The following KLF15 variants were observed in gnomAD, a reference collection of about 807,000 sequenced individuals.
KLF15 encodes the protein KLF transcription factor 15.
KLF15 carries 4 observed loss-of-function variants against 24.6 expected under a neutral mutation model. The observed-to-expected ratio is 0.16, with a 90% CI of 0.08 to 0.37. The LOEUF is 0.37. KLF15 is among the 10% of genes least tolerant of loss of function. The probability of loss-of-function intolerance (pLI) is 1.00; values close to 1 mark genes in which losing one functional copy is unlikely to be tolerated. For synonymous variants in KLF15, 246 were observed against 236.3 expected (o/e 1.04, Z -0.37); for missense variants, 496 against 560.6 (o/e 0.88, Z 1.16).
the KLF15 span, among the ~76,000 whole-genome samples, chr3:126,322,990 A>T: frequency 2.0e-5 from 3 of 151,086 alleles, no homozygotes; most frequent in South Asian, 2.1e-4. Flanking sequence ...TTAAAAATTC[A>T]TATATAATGA....
chr3:126,309,763 G>T, the KLF15 span, among the ~76,000 whole-genome samples: 1 of 152,162 alleles, frequency 6.6e-6, no homozygotes, highest in South Asian at 2.1e-4. Flanking sequence ...TGTAGCACCA[G>T]GCAGAGAATG....
the KLF15 span, among the ~76,000 whole-genome samples, chr3:126,312,630 T>C: frequency 2.6e-5 from 4 of 152,240 alleles, no homozygotes; most frequent in African/African-American, 7.2e-5. Flanking sequence ...GCTTCATCCA[T>C]GCAGGGCACC....
the KLF15 span, among the ~76,000 whole-genome samples, chr3:126,334,071 C>T: frequency 6.6e-6 from 1 of 152,020 alleles, no homozygotes; most frequent in African/African-American, 2.4e-5. Flanking sequence ...ACCAAGTGGA[C>T]CTAATAGACA....
chr3:126,290,025 G>A, the KLF15 span, among the ~76,000 whole-genome samples: 39 of 152,248 alleles, frequency 2.6e-4, no homozygotes, highest in African/African-American at 9.1e-4. Flanking sequence ...TCAGTAACTC[G>A]ACTCTTCACA....
At chr3:126,338,055 G>A (rs913065619), downstream of KLF15, among the ~76,000 whole-genome samples, 1 of 152,208 alleles carries the variant, frequency 6.6e-6, no homozygotes, top group Non-Finnish European at 1.5e-5. Flanking sequence ...TGAGAGATTG[G>A]CAAAGAGACT....
chr3:126,322,674 AG>A, the KLF15 span, among the ~76,000 whole-genome samples: 13 of 152,230 alleles, frequency 8.5e-5, no homozygotes, highest in African/African-American at 3.1e-4. Flanking sequence ...GGTCCACCAT[AG>A]TACCTTCATA....
intron 2 of KLF15, among the ~76,000 whole-genome samples, chr3:126,350,724 C>G (rs922372447): frequency 6.6e-6 from 1 of 152,264 alleles, no homozygotes; most frequent in African/African-American, 2.4e-5. Context: ...TGTGCAAACA[C>G]ATATGGTCAC....
rs762515913 is a variant in KLF15 at position 126,352,121 on chromosome 3, G to C, written c.802C>G (p.Pro268Ala). The C allele has an allele frequency of 6.4e-7, 1 of 1,558,068 alleles. No individual in the cohort carries two copies. Among genetic ancestry groups the C allele is most frequent in the African/African-American group, 1.4e-5 (1 of 73,886 alleles). The change falls in exon 2 of 3, where the codon CCC becomes GCC. Residue 268 changes from proline to alanine, a missense_variant. Pro to Ala is a conservative substitution (Grantham distance 27). Coordinates refer to ENST00000296233, the MANE Select transcript of KLF15 (RefSeq NM_014079.4). Reference sequence around the variant, plus strand: ...GAGGGCAGGTTCAAGTTGGAGGAGGGTACCACCTGGGGCACGAGTGCGAAG... The same window carrying C: ...GAGGGCAGGTTCAAGTTGGAGGAGGCTACCACCTGGGGCACGAGTGCGAAG... ...QTFALVPQVV[P>A]SSNLNLPSKF...
At chr3:126,329,657 C>T in the KLF15 span, among the ~76,000 whole-genome samples, 3 of 151,266 alleles carry the variant, frequency 2.0e-5, no homozygotes, top group Non-Finnish European at 4.4e-5. Context: ...GAATCAAGTC[C>T]CATTTTTTAA....
rs2082597329 is a variant in KLF15 at position 126,352,858 on chromosome 3, A to G, written c.65T>C (p.Leu22Pro). Residue 22 changes from leucine to proline, a missense_variant, in exon 2 of 3, where the codon CTG becomes CCG. Physicochemically the swap from Leu to Pro is moderately conservative, Grantham distance 98. Around this residue, in one of 3 missense-constraint regions of KLF15, gnomAD observed 399 missense variants for 423.1 expected, o/e 0.94. Coordinates refer to ENST00000296233, the MANE Select transcript of KLF15 (RefSeq NM_014079.4). ...FSSPKCPVGY[L>P]GDRLVGRRAY... is the part of the protein sequence containing the mutation. ...CCGCCGGCCAACCAGCCTATCACCC[A>G]GATACCCAACTGGGCATTTTGGCGA... is the stretch of plus-strand genomic sequence containing the variant. 6.2e-7 allele frequency: 1 copy of G among 1,612,444 alleles called. No homozygotes were observed. The highest frequency in any genetic ancestry group is 8.5e-7 in the Non-Finnish European group (1 of 1,179,790).
the KLF15 span, among the ~76,000 whole-genome samples, chr3:126,312,701 C>T: frequency 6.6e-6 from 1 of 152,216 alleles, no homozygotes; most frequent in Admixed American, 6.5e-5. Context: ...TTTTCCAGGG[C>T]TGCTGTAACA....
the KLF15 span, among the ~76,000 whole-genome samples, chr3:126,300,848 A>G: frequency 2.0e-5 from 3 of 152,212 alleles, no homozygotes; most frequent in Non-Finnish European, 4.4e-5. Context: ...TAGAGGAAGC[A>G]CAAGGAACCA....
the KLF15 span, among the ~76,000 whole-genome samples, chr3:126,328,053 T>C: frequency 1.3e-5 from 2 of 152,120 alleles, no homozygotes; most frequent in Non-Finnish European, 2.9e-5. Context: ...CCCTGCACCA[T>C]ATCTGTAATC....
the KLF15 span, among the ~76,000 whole-genome samples, chr3:126,329,577 C>G: frequency 6.6e-6 from 1 of 152,080 alleles, no homozygotes; most frequent in African/African-American, 2.4e-5. Flanking sequence ...GGCAATCTCC[C>G]CACCTCTACC....
the KLF15 span, among the ~76,000 whole-genome samples, chr3:126,310,875 G>A: frequency 4.7e-4 from 72 of 152,238 alleles, no homozygotes; most frequent in Non-Finnish European, 8.8e-4. Context: ...GCTCACAATG[G>A]GGCTTCCACA....
At chr3:126,290,487 C>T in the KLF15 span, among the ~76,000 whole-genome samples, 2 of 141,374 alleles carry the variant, frequency 1.4e-5, no homozygotes, top group Non-Finnish European at 3.1e-5. Flanking sequence ...CCCCTTCCTT[C>T]CTTCCTTTCT....
the KLF15 span, among the ~76,000 whole-genome samples, chr3:126,311,293 A>ACT: frequency 6.6e-6 from 1 of 151,988 alleles, no homozygotes; most frequent in African/African-American, 2.4e-5. Flanking sequence ...GTCCCAGGGC[A>ACT]CTCTCTCCTC....
chr3:126,331,641 C>T, the KLF15 span, among the ~76,000 whole-genome samples: 105,854 of 152,138 alleles, frequency 0.7, 37,275 homozygotes, highest in African/African-American at 0.81. Flanking sequence ...GGAACAGCTC[C>T]GGTCTACAGC....
the KLF15 span, among the ~76,000 whole-genome samples, chr3:126,302,834 C>T: frequency 1.8e-3 from 272 of 152,162 alleles, no homozygotes; most frequent in African/African-American, 6.2e-3. Flanking sequence ...TTGAGTCTTG[C>T]TTTCTTATCC....
Sources: allele counts gnomAD v4.1 joint callset (sites outside exome capture counted in the v4.1 genomes callset), GRCh38; gene constraint gnomAD v4.1.1; regional missense constraint gnomAD v4.1.1; transcripts MANE v1.5; gene names NCBI Gene and HGNC (gene_info 2026-07-23, HGNC 2026-07-21).